Variants in ZNF385B observed in about 807,000 individuals in gnomAD.
ZNF385B encodes the protein zinc finger protein 533.
ZNF385B carries 23 observed loss-of-function variants against 39.2 expected under a neutral mutation model. That is an observed-to-expected ratio of 0.59 (90% CI 0.42 to 0.83). ZNF385B has a LOEUF of 0.83. ZNF385B is among the 40% of genes least tolerant of loss of function. ZNF385B has a pLI of 0.00. For missense variants in ZNF385B, 552 were observed against 598.9 expected (o/e 0.92, Z 0.82); for synonymous variants, 205 against 222.6 (o/e 0.92, Z 0.70).
intron 6 of ZNF385B, among the ~76,000 whole-genome samples, chr2:179,463,524 C>T (rs916289841): frequency 5.9e-5 from 9 of 151,846 alleles, no homozygotes; most frequent in Non-Finnish European, 1.2e-4. Context: ...CCCCAACAGG[C>T]CCCAGAGTGT....
intron 3 of ZNF385B, among the ~76,000 whole-genome samples, chr2:179,573,222 C>T (rs1685434106): frequency 6.6e-6 from 1 of 152,124 alleles, no homozygotes; most frequent in Non-Finnish European, 1.5e-5. Flanking sequence ...CACAGTATAT[C>T]TCTAGCAGCA....
intron 3 of ZNF385B, among the ~76,000 whole-genome samples, chr2:179,561,556 G>A (rs2061336190): frequency 6.6e-6 from 1 of 151,418 alleles, no homozygotes; most frequent in South Asian, 2.1e-4. Context: ...TATCTTCCTG[G>A]TGCCAAGAGT....
chr2:179,755,088 T>A (rs1399405066), intron 3 of ZNF385B, among the ~76,000 whole-genome samples: 1 of 152,230 alleles, frequency 6.6e-6, no homozygotes, highest in South Asian at 2.1e-4. Context: ...AATTTCCCTC[T>A]ACACACTGCT....
intron 3 of ZNF385B, among the ~76,000 whole-genome samples, chr2:179,654,184 T>C (rs1460861056): frequency 6.6e-6 from 1 of 152,160 alleles, no homozygotes; most frequent in East Asian, 1.9e-4. Flanking sequence ...GAAAAGGTTG[T>C]CCTTGTTTAA....
Position 179,683,344 on chromosome 2 carries a change from C to G in ZNF385B, c.298+86159G>C, listed in dbSNP as rs371733522. On this transcript the variant is annotated intron_variant, in intron 3 of 9. Transcript: ENST00000410066. ...GGTGGAGGTTTCAGTGAGTCGAGAT[C>G]ATGGCACTGCACTCCAGCCTGGGCA... 1.3e-4 allele frequency among the ~76,000 whole-genome samples: 20 copies of G among 151,996 alleles called. No homozygotes were observed. The East Asian group carries it at 3.3e-3, about 25-fold the overall frequency.
chr2:179,620,345 G>A (rs1277729691), intron 3 of ZNF385B, among the ~76,000 whole-genome samples: 3 of 152,118 alleles, frequency 2.0e-5, no homozygotes, highest in Non-Finnish European at 4.4e-5. Context: ...CGGATCTGGG[G>A]CACTCTCCTT....
intron 3 of ZNF385B, among the ~76,000 whole-genome samples, chr2:179,742,755 GA>G (rs753478468): frequency 8.6e-5 from 13 of 152,002 alleles, no homozygotes; most frequent in Admixed American, 4.6e-4. Context: ...ATACAATCAG[GA>G]AAGCCAAATT....
chr2:179,689,469 A>G (rs1698176111), intron 3 of ZNF385B, among the ~76,000 whole-genome samples: 1 of 152,208 alleles, frequency 6.6e-6, no homozygotes, highest in Admixed American at 6.5e-5. Flanking sequence ...GCCCTCGTGC[A>G]GAGCAGCGCA....
chr2:179,593,933 G>C lies in ZNF385B; in HGVS notation c.299-48964C>G, dbSNP rs115118443. Among the ~76,000 whole-genome samples, 605 of 152,220 alleles carry C rather than the reference G, an allele frequency of 4.0e-3. 5 individuals carry two copies. Among genetic ancestry groups the C allele is most frequent in the African/African-American group, 0.014 (577 of 41,546 alleles). On this transcript the variant is annotated intron_variant, in intron 3 of 9. Transcript: ENST00000410066. ...CTGTCAAGAGTGTACACATGAAGTAGTCCCCTTCTCCCAATTACAATTTTC... is the reference window on the plus strand; with the variant it reads ...CTGTCAAGAGTGTACACATGAAGTACTCCCCTTCTCCCAATTACAATTTTC...
At chr2:179,694,833 G>A (rs1698599951) in intron 3 of ZNF385B, among the ~76,000 whole-genome samples, 1 of 152,146 alleles carries the variant, frequency 6.6e-6, no homozygotes, top group Non-Finnish European at 1.5e-5. Flanking sequence ...GGGAGGCTGA[G>A]GCAGGAGAAT....
At chr2:179,502,049 C>T (rs1445035336) in intron 5 of ZNF385B, among the ~76,000 whole-genome samples, 2 of 152,172 alleles carry the variant, frequency 1.3e-5, no homozygotes, top group African/African-American at 4.8e-5. Context: ...CCTGACTGCC[C>T]TGCTGGGTTT....
rs770700391 is a variant in ZNF385B, at chr2:179,775,043, C to G, written c.-154-4371G>C. On this transcript the variant is annotated intron_variant, in intron 1 of 9. Coordinates refer to ENST00000410066, the MANE Select transcript of ZNF385B (RefSeq NM_152520.6). ...TTACCCATTTAACTATGTTGAAATGCCTTGTACTGCCTCCTGATCTTCTGC... is the reference window on the plus strand; with the variant it reads ...TTACCCATTTAACTATGTTGAAATGGCTTGTACTGCCTCCTGATCTTCTGC... 4.0e-4 allele frequency among the ~76,000 whole-genome samples: 61 copies of G among 152,134 alleles called. 1 individual carries two copies. Among genetic ancestry groups the G allele is most frequent in the Admixed American group, 1.3e-4 (2 of 15,272 alleles).
At chr2:179,766,646 G>A (rs1703711927) in intron 3 of ZNF385B, among the ~76,000 whole-genome samples, 1 of 151,858 alleles carries the variant, frequency 6.6e-6, no homozygotes. Context: ...CCGTTTTTTT[G>A]TAAGGTTATC....
chr2:179,496,047 TG>T (rs1317905630), intron 5 of ZNF385B, among the ~76,000 whole-genome samples: 1 of 152,050 alleles, frequency 6.6e-6, no homozygotes, highest in African/African-American at 2.4e-5. Flanking sequence ...GACACAGAAT[TG>T]TAACTGTGTT....
intron 1 of ZNF385B, among the ~76,000 whole-genome samples, chr2:179,783,980 C>T (rs553067569): frequency 1.3e-5 from 2 of 152,142 alleles, no homozygotes; most frequent in East Asian, 3.9e-4. Context: ...GGGTATATAC[C>T]AAAAGGAATA....
intron 3 of ZNF385B, among the ~76,000 whole-genome samples, chr2:179,634,533 C>T (rs1266657957): frequency 6.6e-6 from 1 of 152,114 alleles, no homozygotes; most frequent in East Asian, 1.9e-4. Flanking sequence ...GAATAGTAAT[C>T]ATTAAAAAGT....
At chr2:179,501,282 T>C (rs150366585) in intron 5 of ZNF385B, among the ~76,000 whole-genome samples, 109 of 152,318 alleles carry the variant, frequency 7.2e-4, no homozygotes, top group African/African-American at 2.5e-3. Context: ...TACAGATAAG[T>C]GCACTCCTAT....
At chr2:179,449,576 A>T (rs951241295) in intron 6 of ZNF385B, among the ~76,000 whole-genome samples, 2 of 152,196 alleles carry the variant, frequency 1.3e-5, no homozygotes, top group African/African-American at 4.8e-5. Context: ...GGAGAACTAG[A>T]AACCACTGCT....
At chr2:179,794,264 T>C (rs966942656) in intron 1 of ZNF385B, among the ~76,000 whole-genome samples, 1 of 152,174 alleles carries the variant, frequency 6.6e-6, no homozygotes, top group African/African-American at 2.4e-5. Context: ...CCACCCAACC[T>C]CCACAGGTAT....
Sources: allele counts gnomAD v4.1 joint callset (sites outside exome capture counted in the v4.1 genomes callset), GRCh38; gene constraint gnomAD v4.1.1; transcripts MANE v1.5; gene names NCBI Gene and HGNC (gene_info 2026-07-23, HGNC 2026-07-21).